The following ARHGAP20 variants were observed in gnomAD, a reference collection of about 807,000 sequenced individuals.
ARHGAP20 encodes rho GTPase-activating protein 20.
In ARHGAP20, 34 loss-of-function variants were observed where a neutral mutation model predicts 73.7. The observed-to-expected ratio is 0.46, with a 90% CI of 0.35 to 0.61. ARHGAP20 has a LOEUF of 0.61. Among genes scored for constraint, ARHGAP20 ranks in the 20% least tolerant of loss-of-function variants. ARHGAP20 has a pLI of 0.00. For missense variants in ARHGAP20, 1,314 were observed against 1,420.9 expected (o/e 0.92, Z 1.21); for synonymous variants, 523 against 518.2 (o/e 1.01, Z -0.13).
At chr11:110,619,780 A>G (rs1274364451) in intron 4 of ARHGAP20, among the ~76,000 whole-genome samples, 1 of 151,804 alleles carries the variant, frequency 6.6e-6, no homozygotes, top group African/African-American at 2.4e-5. Context: ...ATATGTAGTG[A>G]TAGTGCATAT....
chr11:110,667,911 G>A (rs375658995), intron 2 of ARHGAP20, among the ~76,000 whole-genome samples: 1 of 152,274 alleles, frequency 6.6e-6, no homozygotes, highest in East Asian at 1.9e-4. Flanking sequence ...TCACAATAAA[G>A]TTGCTTCTTA....
chr11:110,630,760 G>T lies in ARHGAP20; in HGVS notation c.221C>A (p.Thr74Lys). ...GGAGCACACTAATGATGACAGAAAT[G>T]TGCATGTGTCAACACTAGCAGAAGG... ...DSPSASVDTCTFLSSLVCSNR... is the reference protein window; with the variant it reads ...DSPSASVDTCKFLSSLVCSNR... The change falls in exon 3 of 15, where the codon ACA becomes AAA. Residue 74 changes from threonine to lysine, a missense_variant. By Grantham distance (78) the Thr-to-Lys change is moderately conservative. Around this residue, in one of 3 missense-constraint regions of ARHGAP20, gnomAD observed 443 missense variants for 466.4 expected, o/e 0.95. Transcript: ENST00000683387. The T allele has an allele frequency of 6.2e-7, 1 of 1,614,004 alleles. No homozygotes were observed. Among genetic ancestry groups the T allele is most frequent in the Non-Finnish European group, 8.5e-7 (1 of 1,179,928 alleles).
chr11:110,623,044 A>T (rs1036664634), intron 4 of ARHGAP20, among the ~76,000 whole-genome samples: 4 of 151,698 alleles, frequency 2.6e-5, no homozygotes, highest in African/African-American at 7.3e-5. Context: ...ATAAAGCAAT[A>T]GGAAATGAAA....
chr11:110,664,177 C>T (rs1341753430), intron 2 of ARHGAP20, among the ~76,000 whole-genome samples: 1 of 151,902 alleles, frequency 6.6e-6, no homozygotes, highest in East Asian at 1.9e-4. Context: ...CAGATTTTGG[C>T]CAGATAAATC....
intron 2 of ARHGAP20, among the ~76,000 whole-genome samples, chr11:110,649,996 C>A (rs553399859): frequency 3.2e-4 from 48 of 152,224 alleles, no homozygotes; most frequent in African/African-American, 1.2e-3. Context: ...CCTCTCTGAG[C>A]ACATAAACTA....
chr11:110,590,804 C>T lies in ARHGAP20; in HGVS notation c.1149G>A (p.Met383Ile), dbSNP rs1565425715. The T allele has an allele frequency of 1.9e-6, 3 of 1,612,522 alleles. No individual in the cohort carries two copies. Among genetic ancestry groups the T allele is most frequent in the Non-Finnish European group, 2.5e-6 (3 of 1,179,548 alleles). Residue 383 changes from methionine to isoleucine, a missense_variant, in exon 11 of 15, where the codon ATG (methionine) becomes ATA (isoleucine). Physicochemically the swap from Met to Ile is conservative, Grantham distance 10 (BLOSUM62 1). This residue lies in a region of ARHGAP20 where 443 missense variants were observed against 466.4 expected (regional missense o/e 0.95). Transcript: ENST00000683387. ...NDNLPKPVLDMLFFLNQKGPL... is the reference protein window; with the variant it reads ...NDNLPKPVLDILFFLNQKGPL... Reference sequence around the variant, plus strand: ...GTCCTTTTTGATTAAGAAAGAAAAGCATATCCTATGGGGAAGCAAAGGAAA... The same window carrying T: ...GTCCTTTTTGATTAAGAAAGAAAAGTATATCCTATGGGGAAGCAAAGGAAA...
intron 2 of ARHGAP20, among the ~76,000 whole-genome samples, chr11:110,687,170 T>C (rs1950154567): frequency 1.3e-5 from 2 of 149,904 alleles, no homozygotes; most frequent in South Asian, 2.1e-4. Context: ...TTCCAACTCC[T>C]GGGCTTAAGT....
intron 2 of ARHGAP20, among the ~76,000 whole-genome samples, chr11:110,679,481 G>A (rs1318373492): frequency 1.3e-5 from 2 of 152,134 alleles, no homozygotes; most frequent in African/African-American, 4.8e-5. Context: ...CACTGAAAGA[G>A]GATACTACTT....
intron 2 of ARHGAP20, among the ~76,000 whole-genome samples, chr11:110,653,177 C>T (rs192542867): frequency 2.6e-5 from 4 of 152,170 alleles, no homozygotes; most frequent in East Asian, 1.9e-4. Flanking sequence ...GATTTCATGA[C>T]GAAAATGTCA....
intron 2 of ARHGAP20, among the ~76,000 whole-genome samples, chr11:110,672,902 T>G (rs1949857455): frequency 6.6e-6 from 1 of 152,186 alleles, no homozygotes; most frequent in Non-Finnish European, 1.5e-5. Flanking sequence ...AGTGAAGACA[T>G]ACATCCACAT....
intron 7 of ARHGAP20, among the ~76,000 whole-genome samples, chr11:110,610,663 A>C (rs949028222): frequency 6.6e-6 from 1 of 152,102 alleles, no homozygotes; most frequent in African/African-American, 2.4e-5. Flanking sequence ...CACTCCTAAA[A>C]TTCTCAAAAA....
At chr11:110,687,237 A>ATT (rs570602682) in intron 2 of ARHGAP20, among the ~76,000 whole-genome samples, 2 of 147,984 alleles carry the variant, frequency 1.4e-5, no homozygotes, top group Admixed American at 6.7e-5. Context: ...TGCCCGGCTA[A>ATT]TTTTTTTTTT....
intron 1 of ARHGAP20, among the ~76,000 whole-genome samples, chr11:110,707,938 T>C (rs1950579320): frequency 6.6e-6 from 1 of 151,804 alleles, no homozygotes; most frequent in Admixed American, 6.6e-5. Flanking sequence ...CTCTTTAGAT[T>C]TAAATTCAAG....
At position 110,615,571 on chromosome 11, in the gene ARHGAP20, C is replaced by T; in HGVS notation, c.527G>A (p.Trp176Ter). 1 of 1,611,752 alleles carries T rather than the reference C, an allele frequency of 6.2e-7. No individual in the cohort carries two copies. Among genetic ancestry groups the T allele is most frequent in the Non-Finnish European group, 8.5e-7 (1 of 1,179,090 alleles). Residue 176 changes from tryptophan to a stop codon, truncating the protein, a stop_gained, in exon 5 of 15, where the codon TGG becomes TAG. Coordinates refer to ENST00000683387, the MANE Select transcript of ARHGAP20 (RefSeq NM_001384657.1). LOFTEE classifies it high-confidence loss of function. ...AAAATACCTCTGAAGGAGAGAGAGC[C>T]ATTTGTCCTTTTGTTCTGGAGAACT... ...TFSSPEQKDK[W>*]LSLLQRYINL...
chr11:110,710,438 AAAAAAAAG>A (rs1201580179), intron 1 of ARHGAP20, among the ~76,000 whole-genome samples: 3 of 152,008 alleles, frequency 2.0e-5, no homozygotes, highest in Non-Finnish European at 2.9e-5. Flanking sequence ...CCCTTAGTAA[AAAAAAAAG>A]AAAAAAAGAA....
intron 2 of ARHGAP20, among the ~76,000 whole-genome samples, chr11:110,659,691 TGG>T (rs1949554801): frequency 3.3e-5 from 5 of 152,128 alleles, no homozygotes; most frequent in Admixed American, 2.0e-4. Flanking sequence ...TAAGAAAATG[TGG>T]CACATATACA....
chr11:110,580,923 T>C lies in ARHGAP20; in HGVS notation c.2023A>G (p.Arg675Gly). The C allele has an allele frequency of 6.2e-7, 1 of 1,613,934 alleles. No homozygotes were observed. The highest frequency in any genetic ancestry group is 8.5e-7 in the Non-Finnish European group (1 of 1,179,784). The part of the protein sequence containing the change: ...YTKIPLRDHA[R>G]APSAMCTPSY... ...GGTGTGCACATGGCAGATGGGGCCC[T>C]GGCATGATCCCGCAGTGGGATCTTT... Residue 675 changes from arginine (R) to glycine (G), a missense_variant, in exon 15 of 15, where the codon AGG becomes GGG. Arg to Gly is a moderately radical substitution (Grantham distance 125). Transcript: ENST00000683387.
intron 13 of ARHGAP20, among the ~76,000 whole-genome samples, chr11:110,583,156 C>A (rs914684669): frequency 6.6e-6 from 1 of 152,202 alleles, no homozygotes; most frequent in African/African-American, 2.4e-5. Context: ...TTATCACCGA[C>A]TCCATTTTAT....
At chr11:110,697,959 A>G (rs1950369083) in intron 1 of ARHGAP20, among the ~76,000 whole-genome samples, 2 of 151,678 alleles carry the variant, frequency 1.3e-5, no homozygotes, top group African/African-American at 4.8e-5. Context: ...ATTGTGTGAA[A>G]AATGAAATTG....
Sources: gnomAD v4.1 joint callset for allele counts (sites outside exome capture counted in the v4.1 genomes callset) on GRCh38, gnomAD v4.1.1 for gene constraint, gnomAD v4.1.1 regional missense constraint, MANE v1.5 for transcripts, NCBI Gene and HGNC (gene_info 2026-07-23, HGNC 2026-07-21) for gene names.